GTF2E2: variants seen among roughly 807,000 people sequenced by gnomAD.
GTF2E2 encodes transcription initiation factor IIE subunit beta.
GTF2E2 carries 21 observed loss-of-function variants against 40.5 expected under a neutral mutation model. That is an observed-to-expected ratio of 0.52 (90% CI 0.37 to 0.75). The LOEUF (loss-of-function observed/expected upper bound fraction) is 0.75, where lower values mean the gene tolerates loss of function less well. Among genes scored for constraint, GTF2E2 ranks in the 30% least tolerant of loss-of-function variants. The pLI, the probability that GTF2E2 is intolerant of heterozygous loss-of-function variation, is 0.00. For missense variants in GTF2E2, 298 were observed against 338.4 expected, an observed-to-expected ratio of 0.88 and a Z score of 0.94; for synonymous variants, 117 against 121.6, an observed-to-expected ratio of 0.96 and a Z score of 0.25.
At chr8:30,611,665 T>G (rs1334274371) in intron 5 of GTF2E2, among the ~76,000 whole-genome samples, 2 of 152,138 alleles carry the variant, frequency 1.3e-5, no homozygotes, top group African/African-American at 4.8e-5. Flanking sequence ...CTCAGGGACT[T>G]GTAGTACAAT....
chr8:30,617,751 C>CAAA (rs397957917), intron 3 of GTF2E2, among the ~76,000 whole-genome samples: 5 of 116,830 alleles, frequency 4.3e-5, no homozygotes, highest in Non-Finnish European at 7.2e-5. Context: ...GATCTTGTCT[C>CAAA]AAAAAAAAAA....
intron 2 of GTF2E2, chr8:30,645,610 G>C: frequency 1.3e-6 from 2 of 1,518,104 alleles, no homozygotes; most frequent in Non-Finnish European, 1.8e-6. Context: ...CTCTATAGAA[G>C]ATGAACAAAA....
intron 6 of GTF2E2, among the ~76,000 whole-genome samples, chr8:30,604,260 T>C (rs1829260678): frequency 6.6e-6 from 1 of 152,072 alleles, no homozygotes; most frequent in South Asian, 2.1e-4. Flanking sequence ...TAGAAATACA[T>C]GAAGCCAAAG....
intron 1 of GTF2E2, among the ~76,000 whole-genome samples, chr8:30,655,020 G>A (rs1362959834): frequency 6.6e-6 from 1 of 152,052 alleles, no homozygotes; most frequent in African/African-American, 2.4e-5. Context: ...AGACCAGCCT[G>A]GGCAACATAG....
chr8:30,627,575 T>C (rs1801325363), intron 3 of GTF2E2, among the ~76,000 whole-genome samples: 1 of 150,902 alleles, frequency 6.6e-6, no homozygotes, highest in Admixed American at 6.6e-5. Flanking sequence ...ACACCTATAA[T>C]CCCAGCACTT....
chr8:30,582,342 A>G (rs555756707), intron 6 of GTF2E2, among the ~76,000 whole-genome samples: 1 of 152,298 alleles, frequency 6.6e-6, no homozygotes, highest in Non-Finnish European at 1.5e-5. Flanking sequence ...TTCTTTTTAC[A>G]TTTTTTAGAC....
chr8:30,622,844 G>T (rs1051139916), intron 3 of GTF2E2, among the ~76,000 whole-genome samples: 1 of 152,140 alleles, frequency 6.6e-6, no homozygotes, highest in Non-Finnish European at 1.5e-5. Context: ...GGTGGTCAGA[G>T]TTTAAGGTTA....
intron 6 of GTF2E2, among the ~76,000 whole-genome samples, chr8:30,604,877 G>A (rs764295197): frequency 3.3e-5 from 5 of 152,102 alleles, no homozygotes; most frequent in South Asian, 2.1e-4. Flanking sequence ...AAATGAAAAC[G>A]GGTAATATTA....
chr8:30,616,585 T>C (rs1800924884), intron 3 of GTF2E2, among the ~76,000 whole-genome samples: 1 of 152,110 alleles, frequency 6.6e-6, no homozygotes, highest in South Asian at 2.1e-4. Flanking sequence ...ACATAGGTCA[T>C]TATACACTTG....
At chr8:30,647,308 C>T (rs946754586) in intron 2 of GTF2E2, among the ~76,000 whole-genome samples, 9 of 152,082 alleles carry the variant, frequency 5.9e-5, no homozygotes, top group South Asian at 2.1e-4. Context: ...CGGCTGGGCG[C>T]GGTGGCTCAC....
At chr8:30,651,317 C>T (rs1332735977) in intron 2 of GTF2E2, among the ~76,000 whole-genome samples, 5 of 151,016 alleles carry the variant, frequency 3.3e-5, no homozygotes, top group African/African-American at 9.7e-5. Flanking sequence ...CAAAAAACTA[C>T]GAGAAATAAA....
chr8:30,595,150 TTTAA>T (rs1421833264), intron 6 of GTF2E2, among the ~76,000 whole-genome samples: 4 of 152,334 alleles, frequency 2.6e-5, no homozygotes, highest in South Asian at 4.1e-4. Flanking sequence ...AACATACATA[TTTAA>T]TTAATCAGAG....
chr8:30,637,347 T>C, intron 2 of GTF2E2: 1 of 454,576 alleles, frequency 2.2e-6, no homozygotes, highest in South Asian at 1.6e-5. Flanking sequence ...CACAAACAGT[T>C]GTGCTTATGA....
chr8:30,590,341 T>C (rs1043154353), intron 6 of GTF2E2, among the ~76,000 whole-genome samples: 19 of 152,204 alleles, frequency 1.2e-4, no homozygotes, highest in African/African-American at 4.1e-4. Flanking sequence ...AAGGGACAGT[T>C]AAAGGATGTG....
intron 6 of GTF2E2, among the ~76,000 whole-genome samples, chr8:30,603,957 AAC>A (rs1334856306): frequency 2.6e-5 from 4 of 152,118 alleles, no homozygotes; most frequent in Non-Finnish European, 5.9e-5. Flanking sequence ...TTTGTAGAAA[AAC>A]ACAGAATTAT....
At chr8:30,623,585 C>T (rs1236424679) in intron 3 of GTF2E2, among the ~76,000 whole-genome samples, 6 of 152,016 alleles carry the variant, frequency 3.9e-5, no homozygotes, top group Non-Finnish European at 8.8e-5. Flanking sequence ...CCTGAGGAAT[C>T]GCCACACTGA....
At chr8:30,655,481 T>C (rs1358495760) in intron 1 of GTF2E2, among the ~76,000 whole-genome samples, 1 of 152,202 alleles carries the variant, frequency 6.6e-6, no homozygotes, top group African/African-American at 2.4e-5. Flanking sequence ...ACTCATACTT[T>C]GAAAGCTTTT....
rs1828482731 is a variant in GTF2E2, at chr8:30,580,361, A to C, written c.679T>G (p.Ser227Ala). ...TCTTCAATTTTCTCCTCGTCCATGG[A>C]ATCTACAGTGACACTCCTCCACAGT... ...QKLWRSVTVD[S>A]MDEEKIEEYL... Residue 227 changes from serine (S) to alanine (A), a missense_variant, in exon 7 of 8, where the codon TCC becomes GCC. Coordinates refer to ENST00000355904, the MANE Select transcript of GTF2E2 (RefSeq NM_002095.6). 2.5e-6 allele frequency: 4 copies of C among 1,602,416 alleles called. No homozygotes were observed. Among genetic ancestry groups the C allele is most frequent in the Non-Finnish European group, 3.4e-6 (4 of 1,169,332 alleles).
At chr8:30,604,511 T>A (rs183617805) in intron 6 of GTF2E2, among the ~76,000 whole-genome samples, 1 of 152,208 alleles carries the variant, frequency 6.6e-6, no homozygotes, top group African/African-American at 2.4e-5. Context: ...TTAAAACTCA[T>A]TAATCAGGTA....
Sources: allele counts gnomAD v4.1 joint callset (sites outside exome capture counted in the v4.1 genomes callset), GRCh38; gene constraint gnomAD v4.1.1; transcripts MANE v1.5; gene names NCBI Gene and HGNC (gene_info 2026-07-23, HGNC 2026-07-21).